Variants in ZNF536 observed in about 807,000 individuals in gnomAD.
ZNF536 encodes the protein zinc finger protein 536.
In ZNF536, 13 loss-of-function variants were observed where a neutral mutation model predicts 84.5. That is an observed-to-expected ratio of 0.15 (90% confidence interval 0.10 to 0.24). ZNF536 has a LOEUF of 0.24. Among genes scored for constraint, ZNF536 ranks in the 10% least tolerant of loss-of-function variants. ZNF536 has a pLI of 1.00. For synonymous variants in ZNF536, 811 were observed against 742.5 expected, an observed-to-expected ratio of 1.09 and a Z score of -1.50; for missense variants, 1,536 against 1,747.5, an observed-to-expected ratio of 0.88 and a Z score of 2.16.
At chr19:30,225,685 G>A (rs1204724156), upstream of ZNF536, among the ~76,000 whole-genome samples, 1 of 127,118 alleles carries the variant, frequency 7.9e-6, no homozygotes, top group African/African-American at 3.3e-5. Flanking sequence ...GGAAAACAAA[G>A]GTGGGGGGGG....
At chr19:30,451,012 G>A (rs1017801667) in intron 2 of ZNF536, among the ~76,000 whole-genome samples, 3 of 152,256 alleles carry the variant, frequency 2.0e-5, no homozygotes, top group African/African-American at 7.2e-5. Flanking sequence ...CCGTGTTTGC[G>A]GAGATTTACG....
chr19:30,446,700 T>C (rs2052364437), intron 2 of ZNF536, among the ~76,000 whole-genome samples: 1 of 152,152 alleles, frequency 6.6e-6, no homozygotes, highest in Non-Finnish European at 1.5e-5. Context: ...TAAATTGTAC[T>C]GTGTTACACG....
chr19:30,415,272 G>GCTC lies in ZNF536; in HGVS notation c.-2-28277_-2-28275dup, dbSNP rs1169027589. ...TCTCCCTCCCCCTTCTCCTCCTCCTGCTCCTCCTCCTCCTTCTTCTTCTTC... is the reference window on the plus strand; with the variant it reads ...TCTCCCTCCCCCTTCTCCTCCTCCTGCTCCTCCTCCTCCTCCTTCTTCTTCTTC... On this transcript the variant is annotated intron_variant, in intron 1 of 4. Transcript: ENST00000355537. Among the ~76,000 whole-genome samples the GCTC allele has an allele frequency of 6.7e-3, 352 of 52,736 alleles. 4 individuals are homozygous for GCTC. Among genetic ancestry groups the GCTC allele is most frequent in the South Asian group, 0.042 (61 of 1,468 alleles). The allele number at this position is 52,736 out of a possible 152,430, so 34.6% of individuals were successfully genotyped here. A position where few individuals can be genotyped will look rare whatever the true frequency, so the allele number is the denominator to read the frequency against.
intron 4 of ZNF536, among the ~76,000 whole-genome samples, chr19:30,552,560 A>G (rs1424331657): frequency 2.6e-5 from 4 of 152,150 alleles, no homozygotes; most frequent in African/African-American, 4.8e-5. Flanking sequence ...ATCTCACCCT[A>G]TTCTGTGGGT....
intron 2 of ZNF536, among the ~76,000 whole-genome samples, chr19:30,494,666 G>T (rs540509508): frequency 3.3e-5 from 5 of 152,222 alleles, no homozygotes. Flanking sequence ...CTTTTTGAGG[G>T]TATTTCAGAA....
At chr19:30,243,695 T>TACG (rs1209979940) in intron 1 of ZNF536, among the ~76,000 whole-genome samples, 2 of 152,264 alleles carry the variant, frequency 1.3e-5, no homozygotes, top group South Asian at 4.1e-4. Context: ...AGTGCTGTAT[T>TACG]ACGTCTGGCT....
chr19:30,329,666 T>C (rs1002847152), intron 2 of ZNF536, among the ~76,000 whole-genome samples: 19 of 152,242 alleles, frequency 1.2e-4, no homozygotes, highest in African/African-American at 4.6e-4. Flanking sequence ...CAGACAAAAG[T>C]TTATCAGGCC....
intron 2 of ZNF536, among the ~76,000 whole-genome samples, chr19:30,318,558 C>T (rs2046754450): frequency 6.6e-6 from 1 of 152,236 alleles, no homozygotes; most frequent in South Asian, 2.1e-4. Context: ...GTTTGCTGAG[C>T]TTCAGTCTTT....
intron 1 of ZNF536, among the ~76,000 whole-genome samples, chr19:30,415,195 CTCT>C (rs1275804527): frequency 3.9e-5 from 3 of 77,306 alleles, no homozygotes; most frequent in East Asian, 5.3e-4. Flanking sequence ...CCCCCTCCTC[CTCT>C]TCTCCCTCCC....
chr19:30,312,700 C>T (rs1003721740), intron 2 of ZNF536, among the ~76,000 whole-genome samples: 4 of 152,232 alleles, frequency 2.6e-5, no homozygotes, highest in Admixed American at 2.6e-4. Context: ...TGCTCATGGT[C>T]AGAGTGGCTC....
chr19:30,413,957 G>T lies in ZNF536; in HGVS notation c.-2-29604G>T, dbSNP rs1298087030. Among the ~76,000 whole-genome samples, 4 of 151,876 alleles carry T rather than the reference G, an allele frequency of 2.6e-5. No homozygotes were observed. The East Asian group carries it at 7.7e-4, about 29-fold the overall frequency. On this transcript the variant is annotated intron_variant, in intron 1 of 4. Transcript: ENST00000355537. ...AAATACAAAAAATTAGCTAGGCGTG[G>T]CGGCGGGTGCCTATAATCCCAGCTA...
In ZNF536 at chr19:30,519,905, C is replaced by T. The variant is rs1479024511; in HGVS notation, c.2171-14942C>T. ...GAGACAGATATTAATCACACATATACGCTCAGTGCAAACTCTGAGAAATGT... is the reference window on the plus strand; with the variant it reads ...GAGACAGATATTAATCACACATATATGCTCAGTGCAAACTCTGAGAAATGT... On this transcript the variant is annotated intron_variant, in intron 2 of 4. Coordinates refer to ENST00000355537, the MANE Select transcript of ZNF536 (RefSeq NM_014717.3). 9.2e-5 allele frequency among the ~76,000 whole-genome samples: 14 copies of T among 152,218 alleles called. No homozygotes were observed. The East Asian group carries it at 1.3e-3, about 15-fold the overall frequency.
chr19:30,499,539 T>C (rs573277827), intron 2 of ZNF536, among the ~76,000 whole-genome samples: 1 of 152,366 alleles, frequency 6.6e-6, no homozygotes, highest in East Asian at 1.9e-4. Context: ...TATATTTATA[T>C]GTATATGTGT....
At chr19:30,648,290 GT>G in intron 1 of ZNF536, among the ~76,000 whole-genome samples, 1 of 152,302 alleles carries the variant, frequency 6.6e-6, no homozygotes, top group African/African-American at 2.4e-5. Context: ...AGATAGCACT[GT>G]TCCTCTCAGC....
At chr19:30,315,430 G>A (rs1477270293) in intron 2 of ZNF536, among the ~76,000 whole-genome samples, 6 of 152,164 alleles carry the variant, frequency 3.9e-5, no homozygotes, top group Non-Finnish European at 8.8e-5. Context: ...GAAAAGGAAG[G>A]AAGGATGATG....
At chr19:30,392,049 G>A (rs750018648) in intron 1 of ZNF536, among the ~76,000 whole-genome samples, 30 of 152,290 alleles carry the variant, frequency 2.0e-4, no homozygotes, top group Middle Eastern at 3.4e-3. Context: ...TCTAGGTTGC[G>A]GTTCTCGGAT....
intron 4 of ZNF536, chr19:30,556,956 C>A: frequency 1.8e-6 from 1 of 569,748 alleles, no homozygotes; most frequent in African/African-American, 2.2e-5. Context: ...AACAGCACCT[C>A]TACGTCTAAT....
chr19:30,371,312 A>G (rs932882181), upstream of ZNF536, among the ~76,000 whole-genome samples: 5 of 152,210 alleles, frequency 3.3e-5, no homozygotes, highest in Non-Finnish European at 5.9e-5. Context: ...GGCTTCATGA[A>G]ATAATGGAAC....
At chr19:30,599,032 TCC>T (rs1352873375) in intron 1 of ZNF536, among the ~76,000 whole-genome samples, 1 of 85,880 alleles carries the variant, frequency 1.2e-5, no homozygotes, top group African/African-American at 6.1e-5. Flanking sequence ...CCTCCCTCCC[TCC>T]CTTCCTTCCC....
Sources: allele counts gnomAD v4.1 joint callset (sites outside exome capture counted in the v4.1 genomes callset), GRCh38; gene constraint gnomAD v4.1.1; transcripts MANE v1.5; gene names NCBI Gene and HGNC (gene_info 2026-07-23, HGNC 2026-07-21).